Variants in PDZD7 observed in about 807,000 individuals in gnomAD.
The protein encoded by PDZD7 is PDZ domain containing 7, also known as PDZ domain-containing protein 7.
A neutral mutation model predicts 84.7 loss-of-function variants in PDZD7; 72 were observed. The observed-to-expected ratio is 0.85, with a 90% CI of 0.70 to 1.03. PDZD7 has a LOEUF of 1.03. PDZD7 is among the 50% of genes least tolerant of loss of function. The pLI is 0.00. For synonymous variants in PDZD7, 594 were observed against 580.7 expected (o/e 1.02, Z -0.33); for missense variants, 1,490 against 1,412.9 (o/e 1.05, Z -0.87).
chr10:101,027,363 A>C (rs1674832218), intron 2 of PDZD7, among the ~76,000 whole-genome samples: 1 of 150,646 alleles, frequency 6.6e-6, no homozygotes, highest in African/African-American at 2.4e-5. Flanking sequence ...GCTCCTGCCC[A>C]GGCCTTTAGA....
Position 101,008,213 on chromosome 10 carries a change from C to T in PDZD7, c.*254G>A, listed in dbSNP as rs574373047. 2.0e-6 allele frequency: 1 copy of T among 512,606 alleles called. No individual in the cohort carries two copies. 31.8% of individuals were successfully genotyped at this position (512,606 alleles called of 1,614,324 possible). ...AGACCTTGGCTTTCTCACCCCCTAT[C>T]CTGGCTTGGGAGGTTGGGGAGCAGT... On this transcript the variant is annotated 3_prime_UTR_variant, in exon 17 of 17. Transcript: ENST00000619208.
At chr10:101,011,096 G>A in intron 14 of PDZD7, 2 of 1,408,234 alleles carry the variant, frequency 1.4e-6, no homozygotes, top group Non-Finnish European at 1.8e-6. Context: ...GCCCAGGCGT[G>A]GTGGCGCGAT....
chr10:101,021,987 C>T, intron 5 of PDZD7, 42 bp from the exon 6 acceptor site: 1 of 1,608,926 alleles, frequency 6.2e-7, no homozygotes, highest in Non-Finnish European at 8.5e-7. Flanking sequence ...CCCTGGCCTG[C>T]CCTCCGTTAC....
At chr10:101,020,265 G>A (rs1051229083) in intron 7 of PDZD7, among the ~76,000 whole-genome samples, 1 of 151,928 alleles carries the variant, frequency 6.6e-6, no homozygotes, top group African/African-American at 2.4e-5. Context: ...GGGCCACCAC[G>A]CCCAGCTACT....
intron 4 of PDZD7, 61 bp downstream of exon 4, chr10:101,023,375 T>C: frequency 6.2e-7 from 1 of 1,602,048 alleles, no homozygotes; most frequent in Non-Finnish European, 8.5e-7. Flanking sequence ...GTTTTGGGTG[T>C]TGGTAGGGTT....
In PDZD7 at chr10:101,030,213, G is replaced by C. The variant is rs1181870870; in HGVS notation, c.7C>G (p.Gln3Glu). MA[Q>E]GFAVGFDPLG... ...GGGTCGAAGCCCACTGCGAAACCCT[G>C]CGCCATGGCGGCTGGGCTAGGGCGG... Residue 3 changes from glutamine (Q) to glutamate (E), a missense_variant, in exon 2 of 17, where the codon CAG (glutamine) becomes GAG (glutamate). Gln to Glu is a conservative substitution (Grantham distance 29). Transcript: ENST00000619208. 2 of 1,606,160 alleles carry C rather than the reference G, an allele frequency of 1.2e-6. No individual in the cohort carries two copies. Among genetic ancestry groups the C allele is most frequent in the Admixed American group, 1.7e-5 (1 of 58,510 alleles).
chr10:101,018,281 C>T lies in PDZD7; in HGVS notation c.1340G>A (p.Arg447Gln), dbSNP rs764152182. ...YLTLWEEKQQ[R>Q]KKEKSGSPGE... ...AGGGGACCCCGACTTCTCCTTCTTC[C>T]GCTGCTGCTTCTCCTCTGCAGACAC... Residue 447 changes from arginine to glutamine, a missense_variant, in exon 9 of 17, where the codon CGG (arginine) becomes CAG (glutamine). Coordinates refer to ENST00000619208, the MANE Select transcript of PDZD7 (RefSeq NM_001195263.2). 1 of 1,613,786 alleles carries T rather than the reference C, an allele frequency of 6.2e-7. No individual in the cohort carries two copies. Among genetic ancestry groups the T allele is most frequent in the East Asian group, 2.2e-5 (1 of 44,880 alleles).
At position 101,010,427 on chromosome 10, in the gene PDZD7, G is replaced by A; in HGVS notation, c.2462C>T (p.Pro821Leu). ...CTCCCCATCCAGAGGTCGTGGCAGA[G>A]GGGGTCTGGCCTTCCGAGGCTTGTG... ...RYHKPRKARP[P>L]LPRPLDGEAA... The change falls in exon 15 of 17, where the codon CCT becomes CTT. Residue 821 changes from proline to leucine, a missense_variant. By Grantham distance (98) the Pro-to-Leu change is moderately conservative. Transcript: ENST00000619208. 6.5e-7 allele frequency: 1 copy of A among 1,536,178 alleles called. No homozygotes were observed. Among genetic ancestry groups the A allele is most frequent in the Non-Finnish European group, 8.7e-7 (1 of 1,146,918 alleles).
intron 5 of PDZD7, 23 bp from the exon 6 acceptor site, chr10:101,021,968 C>T: frequency 5.6e-6 from 9 of 1,613,756 alleles, no homozygotes; most frequent in Non-Finnish European, 7.6e-6. Flanking sequence ...AGGCGTCAGT[C>T]TGATAGGCCC....
chr10:101,022,077 C>T, intron 5 of PDZD7, 132 bp from the exon 6 acceptor site: 1 of 1,555,654 alleles, frequency 6.4e-7, no homozygotes, highest in Non-Finnish European at 8.8e-7. Context: ...CCTCCCGCCC[C>T]CTCCCAGGCC....
intron 1 of PDZD7, 172 bp from the exon 2 acceptor site, chr10:101,030,556 C>T (rs974172201): frequency 4.0e-6 from 2 of 496,452 alleles, no homozygotes; most frequent in South Asian, 4.0e-5. Context: ...CTTGGACTCT[C>T]GCTGACTTTA....
chr10:101,028,797 C>T (rs1937874884), intron 2 of PDZD7, among the ~76,000 whole-genome samples: 2 of 152,230 alleles, frequency 1.3e-5, no homozygotes, highest in Non-Finnish European at 2.9e-5. Context: ...CTGGGGACTT[C>T]TGCTCCCTCA....
intron 2 of PDZD7, among the ~76,000 whole-genome samples, chr10:101,028,117 C>G (rs1336155059): frequency 6.6e-6 from 1 of 152,128 alleles, no homozygotes; most frequent in Non-Finnish European, 1.5e-5. Context: ...TGTTCTCAGG[C>G]AGAGGGGAGA....
At position 101,009,282 on chromosome 10, in the gene PDZD7, C is replaced by A. The variant is rs890687418; in HGVS notation, c.2686G>T (p.Gly896Trp). 6 of 1,536,000 alleles carry A rather than the reference C, an allele frequency of 3.9e-6. No individual in the cohort carries two copies. In the African/African-American group the frequency reaches 4.1e-5, roughly 11 times the overall value. Reference protein sequence around the residue: ...PMVKIEKIFPGGAAFLSGALQ... With the variant: ...PMVKIEKIFPWGAAFLSGALQ... ...GCCCCACTGAGGAAAGCGGCCCCCC[C>A]AGGGAAGATCTTCTCTATCTTCACC... The change falls in exon 16 of 17, where the codon GGG (glycine) becomes TGG (tryptophan). Residue 896 changes from glycine (G) to tryptophan (W), a missense_variant. Coordinates refer to ENST00000619208, the MANE Select transcript of PDZD7 (RefSeq NM_001195263.2).
At chr10:101,019,369 G>A (rs1023490572) in intron 7 of PDZD7, 152 bp from the exon 8 acceptor site, 51 of 968,068 alleles carry the variant, frequency 5.3e-5, no homozygotes, top group Non-Finnish European at 7.7e-5. Flanking sequence ...GCTCCGAAAT[G>A]CTGCCACTGA....
At chr10:101,019,437 G>C (rs1006141794) in intron 7 of PDZD7, among the ~76,000 whole-genome samples, 2 of 152,190 alleles carry the variant, frequency 1.3e-5, no homozygotes, top group African/African-American at 4.8e-5. Context: ...AGGAGAGCCT[G>C]CATTTTATCC....
chr10:101,020,385 C>G (rs1032727783), intron 7 of PDZD7, among the ~76,000 whole-genome samples: 1 of 152,134 alleles, frequency 6.6e-6, no homozygotes, highest in Non-Finnish European at 1.5e-5. Flanking sequence ...GGATTATAGG[C>G]GTGAGCCATC....
At chr10:101,011,837 G>T (rs1196716376) in intron 13 of PDZD7, 76 bp from the exon 14 acceptor site, 2 of 1,549,980 alleles carry the variant, frequency 1.3e-6, no homozygotes, top group African/African-American at 2.7e-5. Flanking sequence ...AAGGGGCTCG[G>T]CAATCTCTGC....
At position 101,008,150 on chromosome 10, in the gene PDZD7, G is replaced by A. The variant is rs1029569161; in HGVS notation, c.*317C>T. 2.4e-5 allele frequency: 10 copies of A among 423,020 alleles called. No individual in the cohort carries two copies. Among genetic ancestry groups the A allele is most frequent in the Non-Finnish European group, 4.2e-5 (10 of 237,536 alleles). The allele number at this position is 423,020 out of a possible 1,614,324, so 26.2% of individuals were successfully genotyped here. A position where few individuals can be genotyped will look rare whatever the true frequency, so the allele number is the denominator to read the frequency against. On this transcript the variant is annotated 3_prime_UTR_variant, in exon 17 of 17. Coordinates refer to ENST00000619208, the MANE Select transcript of PDZD7 (RefSeq NM_001195263.2). The stretch of plus-strand genomic sequence containing the variant: ...CTGGAGGCTTGGGCGACTCATAAGG[G>A]ACAGCATGTGAGAAAGTGCCCACCA...
Sources: gnomAD v4.1 joint callset for allele counts (sites outside exome capture counted in the v4.1 genomes callset) on GRCh38, gnomAD v4.1.1 for gene constraint, MANE v1.5 for transcripts, NCBI Gene and HGNC (gene_info 2026-07-23, HGNC 2026-07-21) for gene names.